Variants in ERG observed in about 807,000 individuals in gnomAD.
The protein encoded by ERG is transcriptional regulator ERG.
Under a neutral mutation model 55.3 loss-of-function variants are expected in ERG, and 9 were observed. The observed-to-expected ratio is 0.16, with a 90% CI of 0.10 to 0.28. The LOEUF (loss-of-function observed/expected upper bound fraction) is 0.28, where lower values mean the gene tolerates loss of function less well. Among genes scored for constraint, ERG ranks in the 10% least tolerant of loss-of-function variants. The pLI is 1.00. For synonymous variants in ERG, 223 were observed against 237.3 expected, an observed-to-expected ratio of 0.94 and a Z score of 0.55; for missense variants, 434 against 631.6, an observed-to-expected ratio of 0.69 and a Z score of 3.35.
At chr21:38,415,281 T>TCGCA (rs759257215) in intron 3 of ERG, among the ~76,000 whole-genome samples, 1 of 152,216 alleles carries the variant, frequency 6.6e-6, no homozygotes, top group Non-Finnish European at 1.5e-5. Context: ...CATAGGGTGG[T>TCGCA]CGCATGATTT....
chr21:38,513,747 A>G (rs957302319), intron 2 of ERG, among the ~76,000 whole-genome samples: 1 of 152,190 alleles, frequency 6.6e-6, no homozygotes, highest in Non-Finnish European at 1.5e-5. Flanking sequence ...ATCAATCTCA[A>G]AAAGTTAGAA....
Position 38,432,811 on chromosome 21 carries a change from C to G in ERG, c.237-9250G>C, listed in dbSNP as rs534557739. 2.0e-5 allele frequency among the ~76,000 whole-genome samples: 3 copies of G among 152,318 alleles called. No individual in the cohort carries two copies. The East Asian group carries it at 5.8e-4, about 29-fold the overall frequency. On this transcript the variant is annotated intron_variant, in intron 2 of 9. Transcript: ENST00000288319. Reference sequence around the variant, plus strand: ...AACCTAGATAGTCATGGTCTCGACTCCAAGTACTTCACCGCCCCACTCTAT... The same window carrying G: ...AACCTAGATAGTCATGGTCTCGACTGCAAGTACTTCACCGCCCCACTCTAT...
At chr21:38,567,673 A>C (rs534105524) in intron 2 of ERG, among the ~76,000 whole-genome samples, 4 of 152,306 alleles carry the variant, frequency 2.6e-5, no homozygotes, top group South Asian at 2.1e-4. Context: ...CAGATTTGCA[A>C]ACTGTGAGAA....
At chr21:38,612,861 C>G (rs992658870) in intron 1 of ERG, among the ~76,000 whole-genome samples, 2 of 152,134 alleles carry the variant, frequency 1.3e-5, no homozygotes, top group Admixed American at 1.3e-4. Context: ...TGGGGTTTCA[C>G]CGTGTTAGCC....
At chr21:38,534,194 G>C (rs890901096) in intron 2 of ERG, among the ~76,000 whole-genome samples, 1 of 152,100 alleles carries the variant, frequency 6.6e-6, no homozygotes, top group Non-Finnish European at 1.5e-5. Flanking sequence ...TCAGCATACA[G>C]TCCTGGGATT....
At position 38,460,801 on chromosome 21, in the gene ERG, G is replaced by A. The variant is rs2059034587; in HGVS notation, c.19-15180C>T. Among the ~76,000 whole-genome samples the A allele has an allele frequency of 6.6e-6, 1 of 152,228 alleles. No individual in the cohort carries two copies. On this transcript the variant is annotated intron_variant, in intron 1 of 9. Coordinates refer to ENST00000288319, the MANE Select transcript of ERG (RefSeq NM_182918.4). This position sits in a 1 kb window ranked among gnomAD's most constrained non-coding sequence, Gnocchi z 5.0. ...CTCTGTTTACCTGTGGACCGGTGATGGGTGTGAGGCTGTAGGTTTTAACGA... is the reference window on the plus strand; with the variant it reads ...CTCTGTTTACCTGTGGACCGGTGATAGGTGTGAGGCTGTAGGTTTTAACGA...
chr21:38,459,288 A>T (rs761943736), intron 1 of ERG, among the ~76,000 whole-genome samples: 6 of 152,214 alleles, frequency 3.9e-5, no homozygotes, highest in Non-Finnish European at 7.3e-5. Flanking sequence ...TTACTGGATG[A>T]TAATTATCAG....
chr21:38,513,129 CAA>C (rs113718302), intron 2 of ERG, among the ~76,000 whole-genome samples: 5 of 137,014 alleles, frequency 3.6e-5, no homozygotes, highest in African/African-American at 5.4e-5. Flanking sequence ...GACTCCGTCT[CAA>C]AAAAAAAAAT....
At chr21:38,649,106 CTCATTAATCCAAGT>C (rs2060473786) in intron 1 of ERG, among the ~76,000 whole-genome samples, 1 of 152,154 alleles carries the variant, frequency 6.6e-6, no homozygotes, top group Admixed American at 6.5e-5. Flanking sequence ...CTCGATGGTT[CTCATTAATCCAAGT>C]TTAACTAAAC....
At chr21:38,571,036 A>G (rs992843050) in intron 2 of ERG, among the ~76,000 whole-genome samples, 15 of 152,354 alleles carry the variant, frequency 9.8e-5, no homozygotes, top group African/African-American at 3.1e-4. Flanking sequence ...TTTATCAGAA[A>G]TAGAATTAAT....
intron 1 of ERG, among the ~76,000 whole-genome samples, chr21:38,614,742 G>T (rs760944352): frequency 1.3e-5 from 2 of 152,236 alleles, no homozygotes; most frequent in African/African-American, 2.4e-5. Context: ...GGGGAGGAAG[G>T]CCAATTTATC....
At chr21:38,444,181 T>C (rs1367467542) in intron 2 of ERG, among the ~76,000 whole-genome samples, 1 of 152,182 alleles carries the variant, frequency 6.6e-6, no homozygotes, top group Non-Finnish European at 1.5e-5. Context: ...CGTTAAAACA[T>C]ATATGTAACA....
At chr21:38,415,536 T>C (rs1219933188) in intron 3 of ERG, among the ~76,000 whole-genome samples, 2 of 152,212 alleles carry the variant, frequency 1.3e-5, no homozygotes, top group Non-Finnish European at 2.9e-5. Flanking sequence ...AGCAGGAATT[T>C]AAACAGAAGA....
At chr21:38,655,301 C>T (rs1267052099) in intron 1 of ERG, among the ~76,000 whole-genome samples, 1 of 152,122 alleles carries the variant, frequency 6.6e-6, no homozygotes, top group Non-Finnish European at 1.5e-5. Flanking sequence ...CGTTCACTCT[C>T]ATGTCAAGCA....
intron 3 of ERG, among the ~76,000 whole-genome samples, chr21:38,421,847 TA>T (rs1198231778): frequency 6.6e-6 from 1 of 152,228 alleles, no homozygotes; most frequent in Non-Finnish European, 1.5e-5. Context: ...GAAAACTTTT[TA>T]TTTTTTTATT....
intron 1 of ERG, among the ~76,000 whole-genome samples, chr21:38,496,366 A>T (rs1016505479): frequency 4.8e-4 from 73 of 152,368 alleles, no homozygotes; most frequent in Non-Finnish European, 1.8e-4. Flanking sequence ...GTGGACAGCC[A>T]TCATTTTCCC....
At chr21:38,394,695 C>T (rs1426101216) in intron 6 of ERG, among the ~76,000 whole-genome samples, 2 of 152,174 alleles carry the variant, frequency 1.3e-5, no homozygotes, top group Middle Eastern at 3.2e-3. Context: ...CTCTGGTGCA[C>T]ACTGAAGTCT....
At chr21:38,616,556 T>A (rs969429877) in intron 1 of ERG, among the ~76,000 whole-genome samples, 1 of 152,014 alleles carries the variant, frequency 6.6e-6, no homozygotes, top group Non-Finnish European at 1.5e-5. Flanking sequence ...TCCCAACACC[T>A]AGCACTATTC....
chr21:38,644,809 G>C (rs531256058), intron 1 of ERG, among the ~76,000 whole-genome samples: 7 of 152,206 alleles, frequency 4.6e-5, no homozygotes, highest in African/African-American at 1.4e-4. Flanking sequence ...CACTTTTTCT[G>C]AATACAGATG....
Sources: allele counts gnomAD v4.1 joint callset (sites outside exome capture counted in the v4.1 genomes callset), GRCh38; gene constraint gnomAD v4.1.1; non-coding constraint Gnocchi (gnomAD v3.1); transcripts MANE v1.5; gene names NCBI Gene and HGNC (gene_info 2026-07-23, HGNC 2026-07-21).